The following RPA2 variants were observed in gnomAD, a reference collection of about 807,000 sequenced individuals.
The protein encoded by RPA2 is replication protein A2.
In RPA2, 22 loss-of-function variants were observed where a neutral mutation model predicts 33.4. The ratio of observed to expected loss-of-function variants is 0.66; its 90% CI spans 0.47 to 0.94. The LOEUF (loss-of-function observed/expected upper bound fraction) is 0.94, where lower values mean the gene tolerates loss of function less well. Among genes scored for constraint, RPA2 ranks in the 40% least tolerant of loss-of-function variants. RPA2 has a pLI of 0.00. For missense variants in RPA2, 279 were observed against 329.9 expected, an observed-to-expected ratio of 0.85 and a Z score of 1.19; for synonymous variants, 109 against 114.9, an observed-to-expected ratio of 0.95 and a Z score of 0.33.
intron 4 of RPA2, among the ~76,000 whole-genome samples, chr1:27,899,814 G>A (rs1369082085): frequency 6.6e-6 from 1 of 151,950 alleles, no homozygotes; most frequent in Non-Finnish European, 1.5e-5. Context: ...CCTAGTAGCT[G>A]GGACTACAGG....
intron 8 of RPA2, among the ~76,000 whole-genome samples, chr1:27,892,458 T>C (rs1023509272): frequency 6.6e-6 from 1 of 152,202 alleles, no homozygotes; most frequent in African/African-American, 2.4e-5. Flanking sequence ...ACAATGGCTA[T>C]TAGGGCTGTC....
intron 1 of RPA2, 94 bp from the exon 2 acceptor site, chr1:27,914,263 C>T (rs2090139681): frequency 6.3e-7 from 1 of 1,596,802 alleles, no homozygotes; most frequent in Admixed American, 1.8e-5. Flanking sequence ...AAACACTGCC[C>T]GAGTCTCCCT....
chr1:27,897,092 G>C lies in RPA2; in HGVS notation c.438C>G (p.Ile146Met). Residue 146 changes from isoleucine (I) to methionine (M), a missense_variant, in exon 6 of 9, where the codon ATC (isoleucine) becomes ATG (methionine). Ile to Met is a conservative substitution (Grantham distance 10). Transcript: ENST00000373912. ...QNKKSLVAFKIMPLEDMNEFT... is the reference protein window; with the variant it reads ...QNKKSLVAFKMMPLEDMNEFT... The stretch of plus-strand genomic sequence containing the variant: ...ACTCATTCATATCCTCCAGGGGCAT[G>C]ATCTTAAAGGCTACCAGGCTCTTTT... The C allele has an allele frequency of 1.2e-6, 2 of 1,613,556 alleles. No homozygotes were observed. Among genetic ancestry groups the C allele is most frequent in the Non-Finnish European group, 1.7e-6 (2 of 1,179,800 alleles).
intron 4 of RPA2, among the ~76,000 whole-genome samples, chr1:27,903,982 C>A (rs1234659777): frequency 6.6e-6 from 1 of 150,460 alleles, no homozygotes; most frequent in Non-Finnish European, 1.5e-5. Flanking sequence ...CTGACCAATA[C>A]AGAGAAACCC....
chr1:27,901,640 C>T (rs554695332), intron 4 of RPA2, among the ~76,000 whole-genome samples: 78 of 152,108 alleles, frequency 5.1e-4, no homozygotes, highest in Admixed American at 1.6e-3. Flanking sequence ...GGATTATAGA[C>T]GTGAGCCACC....
chr1:27,894,394 AG>A lies in RPA2; in HGVS notation c.528del (p.Ser177GlnfsTer12). The A allele has an allele frequency of 1.2e-6, 2 of 1,611,422 alleles. No individual in the cohort carries two copies. Among genetic ancestry groups the A allele is most frequent in the Non-Finnish European group, 1.7e-6 (2 of 1,179,142 alleles). On this transcript the variant is annotated frameshift_variant and splice_region_variant, in exon 7 of 9. Coordinates refer to ENST00000373912, the MANE Select transcript of RPA2 (RefSeq NM_002946.5). LOFTEE classifies it high-confidence loss of function. ...HMVLSKANSQ[P>X]SAGRAPISNP... ...TTGCTGATAGGTGCTCTCCCTGCTG[AG>A]GGCTGAATTAAGAAATAAGTTAGCA...
chr1:27,897,298 T>C (rs747077922), intron 5 of RPA2, among the ~76,000 whole-genome samples, 177 bp from the exon 6 acceptor site: 2 of 147,812 alleles, frequency 1.4e-5, no homozygotes, highest in Non-Finnish European at 3.0e-5. Flanking sequence ...AAACTAAAAC[T>C]AATAGCTAAG....
chr1:27,912,073 G>A (rs574018090), intron 2 of RPA2, among the ~76,000 whole-genome samples: 3 of 149,610 alleles, frequency 2.0e-5, no homozygotes, highest in Non-Finnish European at 3.0e-5. Context: ...CAGCCTGGGC[G>A]ACAGAGTGAG....
At chr1:27,903,555 C>G (rs1416247230) in intron 4 of RPA2, among the ~76,000 whole-genome samples, 1 of 151,332 alleles carries the variant, frequency 6.6e-6, no homozygotes, top group Non-Finnish European at 1.5e-5. Context: ...CCCGTCTCTA[C>G]TAAAAATACA....
At chr1:27,911,465 A>C (rs755496355) in intron 2 of RPA2, among the ~76,000 whole-genome samples, 1 of 152,214 alleles carries the variant, frequency 6.6e-6, no homozygotes, top group Non-Finnish European at 1.5e-5. Context: ...TTCTGAGATA[A>C]AAATTATAAT....
At chr1:27,900,086 G>A (rs569274716) in intron 4 of RPA2, among the ~76,000 whole-genome samples, 2 of 152,280 alleles carry the variant, frequency 1.3e-5, no homozygotes, top group African/African-American at 4.8e-5. Context: ...TGGGATTACA[G>A]GCGTCAGCCA....
intron 4 of RPA2, among the ~76,000 whole-genome samples, chr1:27,899,350 C>T (rs1201551704): frequency 6.6e-6 from 1 of 151,680 alleles, no homozygotes; most frequent in Non-Finnish European, 1.5e-5. Flanking sequence ...ACTAAAAATG[C>T]AAAGATTAGC....
intron 4 of RPA2, among the ~76,000 whole-genome samples, chr1:27,903,441 C>T (rs12077669): frequency 1.8e-4 from 28 of 151,848 alleles, no homozygotes; most frequent in Non-Finnish European, 3.4e-4. Context: ...CAGTTCTTGG[C>T]TGGGCCATGG....
At position 27,902,794 on chromosome 1, in the gene RPA2, G is replaced by A. The variant is rs920939117; in HGVS notation, c.333+4134C>T. On this transcript the variant is annotated intron_variant, in intron 4 of 8. Coordinates refer to ENST00000373912, the MANE Select transcript of RPA2 (RefSeq NM_002946.5). ...AATGTTAAGGGTATGGAAACTAACT[G>A]GGCACTCTCATGCATGACTGAAGCG... is the stretch of plus-strand genomic sequence containing the variant. Among the ~76,000 whole-genome samples, 71 of 151,846 alleles carry A rather than the reference G, an allele frequency of 4.7e-4. 1 individual carries two copies. Among genetic ancestry groups the A allele is most frequent in the Non-Finnish European group, 1.0e-4 (7 of 68,014 alleles).
rs773573611 is a variant in RPA2 at position 27,914,129 on chromosome 1, G to A, written c.51C>T (p.Ala17=). 1 of 1,612,162 alleles carries A rather than the reference G, an allele frequency of 6.2e-7. No homozygotes were observed. The highest frequency in any genetic ancestry group is 8.5e-7 in the Non-Finnish European group (1 of 1,179,432). The change falls in exon 2 of 9, where the codon GCC becomes GCT. Residue 17 remains alanine (A), a synonymous_variant. Transcript: ENST00000373912. ...ESYGSSSYGG[A]GGYTQSPGGF... is the part of the protein sequence containing the mutation. ...CCCCCGGGGACTGCGTGTAGCCGCC[G>A]GCTCCCCCGTATGAGGAGCTGCCAT...
chr1:27,903,722 A>G (rs1346957665), intron 4 of RPA2, among the ~76,000 whole-genome samples: 1 of 150,848 alleles, frequency 6.6e-6, no homozygotes, highest in Non-Finnish European at 1.5e-5. Context: ...TCAGTCTCAA[A>G]AAAAAAAAAA....
chr1:27,906,998 G>T lies in RPA2; in HGVS notation c.263C>A (p.Thr88Asn). 1 of 1,613,652 alleles carries T rather than the reference G, an allele frequency of 6.2e-7. No homozygotes were observed. The highest frequency in any genetic ancestry group is 8.5e-7 in the Non-Finnish European group (1 of 1,179,956). Residue 88 changes from threonine to asparagine, a missense_variant, in exon 4 of 9, where the codon ACC becomes AAC. By Grantham distance (65) the Thr-to-Asn change is moderately conservative. Around this residue, in one of 2 missense-constraint regions of RPA2, gnomAD observed 274 missense variants for 310.3 expected, o/e 0.88. Transcript: ENST00000373912. The stretch of plus-strand genomic sequence containing the variant: ...GTCATCTATTTTGTAAACAATGTTG[G>T]TTGGAGCCTTCTCTGCATGTCTGAT... ...GIIRHAEKAP[T>N]NIVYKIDDMT...
rs1038569267 is a variant in RPA2, at chr1:27,902,002, G to A, written c.334-4295C>T. Among the ~76,000 whole-genome samples the A allele has an allele frequency of 2.2e-5, 3 of 133,436 alleles. No homozygotes were observed. The East Asian group carries it at 6.8e-4, about 30-fold the overall frequency. 87.5% of individuals were successfully genotyped at this position (133,436 alleles called of 152,430 possible). ...AAAATTTACAAAAACCCCACAAATTGACATTAAACATAGTAAAAAAAAAAA... is the reference window on the plus strand; with the variant it reads ...AAAATTTACAAAAACCCCACAAATTAACATTAAACATAGTAAAAAAAAAAA... On this transcript the variant is annotated intron_variant, in intron 4 of 8. Transcript: ENST00000373912.
At chr1:27,914,386 AACCTC>A in intron 1 of RPA2, 43 bp downstream of exon 1, 1 of 1,613,186 alleles carries the variant, frequency 6.2e-7, no homozygotes, top group South Asian at 1.1e-5. Flanking sequence ...CTCTTGCTAA[AACCTC>A]CTGCGATTCT....
Sources: allele counts gnomAD v4.1 joint callset (sites outside exome capture counted in the v4.1 genomes callset), GRCh38; gene constraint gnomAD v4.1.1; regional missense constraint gnomAD v4.1.1; transcripts MANE v1.5; gene names NCBI Gene and HGNC (gene_info 2026-07-23, HGNC 2026-07-21).